The following PAN3 variants were observed in gnomAD, a reference collection of about 807,000 sequenced individuals.
PAN3 encodes poly(A) specific ribonuclease subunit PAN3, also known as PAN2-PAN3 deadenylation complex subunit PAN3.
A neutral mutation model predicts 96.2 loss-of-function variants in PAN3; 19 were observed. The ratio of observed to expected loss-of-function variants is 0.20; its 90% confidence interval spans 0.14 to 0.29. PAN3 has a LOEUF of 0.29. Among genes scored for constraint, PAN3 ranks in the 10% least tolerant of loss-of-function variants. PAN3 has a pLI of 1.00. For missense variants in PAN3, 882 were observed against 1,108.1 expected (o/e 0.80, Z 2.90); for synonymous variants, 433 against 406.6 (o/e 1.06, Z -0.78).
chr13:28,251,496 A>G (rs553902992), intron 6 of PAN3, among the ~76,000 whole-genome samples: 8 of 152,184 alleles, frequency 5.3e-5, no homozygotes, highest in Non-Finnish European at 7.3e-5. Context: ...TTCCTGTAAC[A>G]TGGAATCTCA....
chr13:28,210,882 G>A (rs1432826940), intron 5 of PAN3, among the ~76,000 whole-genome samples: 1 of 151,868 alleles, frequency 6.6e-6, no homozygotes, highest in Non-Finnish European at 1.5e-5. Context: ...GTCTGAATTG[G>A]GCTGCTCTTT....
At chr13:28,194,801 T>A (rs1877811434) in intron 4 of PAN3, among the ~76,000 whole-genome samples, 2 of 152,056 alleles carry the variant, frequency 1.3e-5, no homozygotes, top group African/African-American at 2.4e-5. Flanking sequence ...AAGTGTCTAA[T>A]TAGGGTTATA....
chr13:28,138,993 C>G lies in PAN3; in HGVS notation c.336C>G (p.Pro112=). 1.6e-6 allele frequency: 2 copies of G among 1,271,268 alleles called. No individual in the cohort carries two copies. The highest frequency in any genetic ancestry group is 2.0e-6 in the Non-Finnish European group (2 of 1,008,862). The allele number at this position is 1,271,268 out of a possible 1,614,324, so 78.7% of individuals were successfully genotyped here. The part of the protein sequence containing the change: ...AVAGGGAGPP[P]GPKKPDLGDP... Reference sequence around the variant, plus strand: ...CGGGCGGGGGAGCTGGGCCGCCCCCCGGGCCCAAGAAGCCGGACCTGGGGG... The same window carrying G: ...CGGGCGGGGGAGCTGGGCCGCCCCCGGGGCCCAAGAAGCCGGACCTGGGGG... Residue 112 remains proline, a synonymous_variant, in exon 1 of 19, where the codon CCC becomes CCG. Coordinates refer to ENST00000380958, the MANE Select transcript of PAN3 (RefSeq NM_175854.8).
In PAN3 at chr13:28,277,349, A is replaced by G; in HGVS notation, c.2162A>G (p.Tyr721Cys). 6.2e-7 allele frequency: 1 copy of G among 1,612,870 alleles called. No homozygotes were observed. The highest frequency in any genetic ancestry group is 8.5e-7 in the Non-Finnish European group (1 of 1,179,438). Residue 721 changes from tyrosine to cysteine, a missense_variant, in exon 15 of 19, where the codon TAT becomes TGT. Physicochemically the swap from Tyr to Cys is radical, Grantham distance 194 (BLOSUM62 -2). Transcript: ENST00000380958. ...GCCATGGAACTGGTGACAATCAACT[A>G]TTCCTCTGACCTGAAGAATCTGATT... The part of the protein sequence containing the change: ...QKAMELVTIN[Y>C]SSDLKNLILY...
At chr13:28,155,114 C>T (rs910399351) in intron 1 of PAN3, among the ~76,000 whole-genome samples, 6 of 151,870 alleles carry the variant, frequency 4.0e-5, no homozygotes, top group African/African-American at 7.3e-5. Flanking sequence ...CCGCGCACGG[C>T]GACTTTGCGG....
chr13:28,155,029 C>T (rs901535552), intron 1 of PAN3, among the ~76,000 whole-genome samples: 25 of 150,068 alleles, frequency 1.7e-4, no homozygotes, highest in Non-Finnish European at 3.3e-4. Flanking sequence ...GGGGTTTCAC[C>T]GTGGTCTCGA....
At chr13:28,253,000 G>A (rs1372399762) in intron 6 of PAN3, among the ~76,000 whole-genome samples, 1 of 152,088 alleles carries the variant, frequency 6.6e-6, no homozygotes, top group African/African-American at 2.4e-5. Context: ...ATATTTATGT[G>A]TGAAACATGA....
intron 17 of PAN3, 132 bp from the exon 18 acceptor site, chr13:28,287,852 C>T: frequency 4.1e-6 from 3 of 735,244 alleles, no homozygotes; most frequent in South Asian, 2.9e-5. Context: ...TTTTTAAAAA[C>T]ACTGTACCAG....
In PAN3 at chr13:28,138,681, G is replaced by GC; in HGVS notation, c.30dup (p.Ser11LeufsTer44). ...CCATGAACAGTGGCGGCGGCCTCCC[G>GC]CCCCCCTCGGCCGCCGCCTCCCCTT... On this transcript the variant is annotated frameshift_variant, in exon 1 of 19. Coordinates refer to ENST00000380958, the MANE Select transcript of PAN3 (RefSeq NM_175854.8). LOFTEE classifies it high-confidence loss of function. The GC allele has an allele frequency of 2.2e-6, 2 of 906,800 alleles. No homozygotes were observed. Among genetic ancestry groups the GC allele is most frequent in the Non-Finnish European group, 3.0e-6 (2 of 667,654 alleles). 56.2% of individuals were successfully genotyped at this position (906,800 alleles called of 1,614,324 possible). A position where few individuals can be genotyped will look rare whatever the true frequency, so the allele number is the denominator to read the frequency against.
rs557103755 is a variant in PAN3, at chr13:28,161,184, A to G, written c.431-13088A>G. Reference sequence around the variant, plus strand: ...ATTTAATCTTTTATTATGTGGCTCTATTGTATGTTTTCGGGGGCGGGGAGC... The same window carrying G: ...ATTTAATCTTTTATTATGTGGCTCTGTTGTATGTTTTCGGGGGCGGGGAGC... On this transcript the variant is annotated intron_variant, in intron 1 of 18. Coordinates refer to ENST00000380958, the MANE Select transcript of PAN3 (RefSeq NM_175854.8). 4.6e-5 allele frequency among the ~76,000 whole-genome samples: 7 copies of G among 152,066 alleles called. No individual in the cohort carries two copies. In the East Asian group the frequency reaches 9.6e-4, roughly 21 times the overall value.
chr13:28,225,171 CT>C (rs1881862299), intron 6 of PAN3, among the ~76,000 whole-genome samples: 1 of 151,778 alleles, frequency 6.6e-6, no homozygotes, highest in East Asian at 1.9e-4. Context: ...GGCTAATACC[CT>C]TTTTTTAAAT....
At chr13:28,153,548 T>C (rs1303229467) in intron 1 of PAN3, among the ~76,000 whole-genome samples, 2 of 152,138 alleles carry the variant, frequency 1.3e-5, no homozygotes, top group Non-Finnish European at 2.9e-5. Flanking sequence ...TAATACACTT[T>C]TAAAAGATAT....
chr13:28,249,459 T>G (rs921326388), intron 6 of PAN3, among the ~76,000 whole-genome samples: 4 of 152,152 alleles, frequency 2.6e-5, no homozygotes, highest in Admixed American at 6.5e-5. Context: ...TTTATTATTT[T>G]TTTTTTTGAG....
intron 6 of PAN3, among the ~76,000 whole-genome samples, chr13:28,238,514 T>C (rs1883304020): frequency 6.6e-6 from 1 of 152,236 alleles, no homozygotes; most frequent in South Asian, 2.1e-4. Flanking sequence ...TCTGAGCTCT[T>C]AGGCACTGAG....
At chr13:28,147,969 T>A (rs1870893963) in intron 1 of PAN3, among the ~76,000 whole-genome samples, 1 of 151,822 alleles carries the variant, frequency 6.6e-6, no homozygotes, top group African/African-American at 2.4e-5. Context: ...TTTTCTTTTC[T>A]TTTTGAGACA....
chr13:28,205,299 A>G (rs1386447287), intron 5 of PAN3, among the ~76,000 whole-genome samples: 1 of 152,198 alleles, frequency 6.6e-6, no homozygotes, highest in African/African-American at 2.4e-5. Flanking sequence ...TTGAAGAGTT[A>G]TAGAACTATG....
intron 4 of PAN3, among the ~76,000 whole-genome samples, chr13:28,188,400 AC>A (rs1318834737): frequency 6.6e-6 from 1 of 152,168 alleles, no homozygotes; most frequent in African/African-American, 2.4e-5. Context: ...GGTGTTTGAG[AC>A]CAGCCTAGGC....
At chr13:28,143,866 T>C (rs189188531) in intron 1 of PAN3, among the ~76,000 whole-genome samples, 14 of 152,308 alleles carry the variant, frequency 9.2e-5, no homozygotes, top group Admixed American at 6.5e-4. Flanking sequence ...GAATATGTAA[T>C]GTGTAGCGTG....
intron 6 of PAN3, among the ~76,000 whole-genome samples, chr13:28,243,292 T>G (rs1157135248): frequency 6.6e-6 from 1 of 152,228 alleles, no homozygotes; most frequent in African/African-American, 2.4e-5. Context: ...TTTTAACTTT[T>G]CTGGTTGAAG....
Sources: allele counts gnomAD v4.1 joint callset (sites outside exome capture counted in the v4.1 genomes callset), GRCh38; gene constraint gnomAD v4.1.1; transcripts MANE v1.5; gene names NCBI Gene and HGNC (gene_info 2026-07-23, HGNC 2026-07-21).